The following OXR1 variants were observed in gnomAD, a reference collection of about 807,000 sequenced individuals.
The protein encoded by OXR1 is oxidation resistance 1.
Under a neutral mutation model 104.6 loss-of-function variants are expected in OXR1, and 41 were observed. The ratio of observed to expected loss-of-function variants is 0.39; its 90% CI spans 0.31 to 0.51. The LOEUF is 0.51. Ranked by LOEUF, OXR1 falls within the 20% of genes least tolerant of loss-of-function variation. The probability of loss-of-function intolerance (pLI) is 0.77; values close to 1 mark genes in which losing one functional copy is unlikely to be tolerated. For missense variants in OXR1, 955 were observed against 1,031.9 expected (o/e 0.93, Z 1.02); for synonymous variants, 348 against 348.4 (o/e 1.00, Z 0.01).
intron 2 of OXR1, among the ~76,000 whole-genome samples, chr8:106,381,717 G>T (rs150167313): frequency 2.0e-3 from 305 of 152,092 alleles, no homozygotes; most frequent in African/African-American, 7.0e-3. Context: ...ATCAGGGTTG[G>T]GTCAATTCAT....
intron 2 of OXR1, among the ~76,000 whole-genome samples, chr8:106,441,099 G>A (rs1340616706): frequency 1.3e-5 from 2 of 152,114 alleles, no homozygotes; most frequent in African/African-American, 4.8e-5. Context: ...TTTTGTGTAA[G>A]GTGAAGGAAG....
chr8:106,372,561 C>T (rs546879272), intron 2 of OXR1, among the ~76,000 whole-genome samples: 6 of 152,054 alleles, frequency 3.9e-5, no homozygotes, highest in East Asian at 1.9e-4. Context: ...GATGTGATGC[C>T]GCAAATGAAA....
At chr8:106,574,003 G>A (rs1391246567) in intron 3 of OXR1, among the ~76,000 whole-genome samples, 4 of 152,072 alleles carry the variant, frequency 2.6e-5, no homozygotes, top group South Asian at 2.1e-4. Context: ...CTCTGCACTC[G>A]CAAACTGCTA....
chr8:106,343,095 A>G (rs1459708282), intron 1 of OXR1, among the ~76,000 whole-genome samples: 1 of 152,012 alleles, frequency 6.6e-6, no homozygotes, highest in Non-Finnish European at 1.5e-5. Context: ...ACTCCCAGCT[A>G]CCTTCTTTCA....
intron 7 of OXR1, among the ~76,000 whole-genome samples, chr8:106,699,709 GT>G (rs1830417994): frequency 6.6e-6 from 1 of 152,208 alleles, no homozygotes; most frequent in Admixed American, 6.5e-5. Context: ...GCAGCCTAGT[GT>G]TTTTGGAACG....
At chr8:106,425,595 A>G (rs1449697844) in intron 2 of OXR1, among the ~76,000 whole-genome samples, 1 of 152,176 alleles carries the variant, frequency 6.6e-6, no homozygotes, top group Non-Finnish European at 1.5e-5. Context: ...GGGACACACC[A>G]TCTGCAGTAC....
chr8:106,375,867 CAT>C (rs1429315698), intron 2 of OXR1, among the ~76,000 whole-genome samples: 1 of 152,206 alleles, frequency 6.6e-6, no homozygotes, highest in Non-Finnish European at 1.5e-5. Flanking sequence ...TTTTTAAAGA[CAT>C]GTGGTGCCTT....
intron 2 of OXR1, among the ~76,000 whole-genome samples, chr8:106,430,176 T>C (rs948834333): frequency 4.6e-5 from 7 of 152,124 alleles, no homozygotes; most frequent in African/African-American, 1.7e-4. Flanking sequence ...CAAAGGCCCA[T>C]TACAAAAAAT....
rs148049476 is a variant in OXR1, at chr8:106,490,343, T to TTTGATTGA, written c.24-28577_24-28570dup. Among the ~76,000 whole-genome samples the TTTGATTGA allele has an allele frequency of 8.0e-3, 1,212 of 151,742 alleles. 23 individuals carry two copies. The highest frequency in any genetic ancestry group is 0.028 in the African/African-American group (1,144 of 41,298). The stretch of plus-strand genomic sequence containing the variant: ...TTGTGGAAGGTAGGAGGATGCGGTA[T>TTTGATTGA]TTGATTGATTGATTGATTGATTGAT... On this transcript the variant is annotated intron_variant, in intron 2 of 16. Coordinates refer to ENST00000517566, the MANE Select transcript of OXR1 (RefSeq NM_001198533.2).
intron 14 of OXR1, 116 bp from the exon 15 acceptor site, chr8:106,742,106 A>G (rs770653677): frequency 1.5e-6 from 1 of 661,766 alleles, no homozygotes; most frequent in Non-Finnish European, 2.7e-6. Context: ...GTATGATTAG[A>G]TTAAACTATA....
intron 16 of OXR1, among the ~76,000 whole-genome samples, chr8:106,749,102 G>A (rs1835655972): frequency 6.6e-6 from 1 of 151,884 alleles, no homozygotes; most frequent in Admixed American, 6.6e-5. Flanking sequence ...CAGCACTTTG[G>A]GAGGCTGAGG....
chr8:106,468,057 T>C (rs1172421559), intron 2 of OXR1, among the ~76,000 whole-genome samples: 1 of 151,748 alleles, frequency 6.6e-6, no homozygotes, highest in Non-Finnish European at 1.5e-5. Context: ...GTAATGATTA[T>C]GGGAATGAGA....
chr8:106,606,332 A>C (rs959415158), intron 3 of OXR1, among the ~76,000 whole-genome samples: 3 of 151,240 alleles, frequency 2.0e-5, no homozygotes, highest in African/African-American at 7.3e-5. Flanking sequence ...ACAGAGTCCC[A>C]CTCTGTTGCC....
intron 3 of OXR1, among the ~76,000 whole-genome samples, chr8:106,564,915 C>T (rs987033966): frequency 1.3e-5 from 2 of 152,102 alleles, no homozygotes; most frequent in African/African-American, 2.4e-5. Flanking sequence ...AAAAGGCCTT[C>T]GATAAAATTC....
chr8:106,515,713 C>T (rs915568094), intron 2 of OXR1, among the ~76,000 whole-genome samples: 1 of 152,044 alleles, frequency 6.6e-6, no homozygotes, highest in African/African-American at 2.4e-5. Context: ...GCGTATAGTA[C>T]TTCTGTAGCT....
chr8:106,405,222 T>C (rs1257479765), intron 2 of OXR1, among the ~76,000 whole-genome samples: 1 of 115,658 alleles, frequency 8.6e-6, no homozygotes, highest in Non-Finnish European at 1.7e-5. Context: ...TGTGTGTGTG[T>C]GTGTGTGTGT....
chr8:106,415,333 G>C (rs937435220), intron 2 of OXR1, among the ~76,000 whole-genome samples: 1 of 152,096 alleles, frequency 6.6e-6, no homozygotes, highest in Non-Finnish European at 1.5e-5. Flanking sequence ...TGCCAAAAGG[G>C]AAGTCATCAT....
chr8:106,396,402 C>T (rs1446472374), intron 2 of OXR1, among the ~76,000 whole-genome samples: 1 of 151,992 alleles, frequency 6.6e-6, no homozygotes, highest in African/African-American at 2.4e-5. Flanking sequence ...GAGGGTGCCT[C>T]ATGTTTGTGA....
At chr8:106,430,289 T>G (rs1819308975) in intron 2 of OXR1, among the ~76,000 whole-genome samples, 1 of 152,188 alleles carries the variant, frequency 6.6e-6, no homozygotes, top group South Asian at 2.1e-4. Flanking sequence ...AAACTACAAT[T>G]GTATAGCACA....
Sources: allele counts gnomAD v4.1 joint callset (sites outside exome capture counted in the v4.1 genomes callset), GRCh38; gene constraint gnomAD v4.1.1; transcripts MANE v1.5; gene names NCBI Gene and HGNC (gene_info 2026-07-23, HGNC 2026-07-21).